CPNE2: variants seen among roughly 807,000 people sequenced by gnomAD.
CPNE2 encodes the protein copine 2.
In CPNE2, 42 loss-of-function variants were observed where a neutral mutation model predicts 69.7. The ratio of observed to expected loss-of-function variants is 0.60; its 90% CI spans 0.47 to 0.78. The LOEUF is 0.78. CPNE2 is among the 30% of genes least tolerant of loss of function. The pLI is 0.00. For missense variants in CPNE2, 587 were observed against 732.0 expected, an observed-to-expected ratio of 0.80 and a Z score of 2.29; for synonymous variants, 294 against 289.8, an observed-to-expected ratio of 1.01 and a Z score of -0.15.
At position 57,119,356 on chromosome 16, in the gene CPNE2, T is replaced by C. The variant is rs2069744041; in HGVS notation, c.591+78T>C. 2.7e-6 allele frequency: 4 copies of C among 1,466,082 alleles called. No individual in the cohort carries two copies. In the East Asian group the frequency reaches 9.1e-5, roughly 33 times the overall value. 90.8% of individuals were successfully genotyped at this position (1,466,082 alleles called of 1,614,324 possible). On this transcript the variant is annotated intron_variant, in intron 6 of 15. Transcript: ENST00000290776. The stretch of plus-strand genomic sequence containing the variant: ...CCTCCACAGCTCTGAAAAAGGGAGG[T>C]GCGGTCACAGCCGCTCAGTGTGCAG...
chr16:57,094,715 C>T (rs975616330), intron 1 of CPNE2, among the ~76,000 whole-genome samples: 3 of 152,156 alleles, frequency 2.0e-5, no homozygotes, highest in African/African-American at 4.8e-5. Context: ...TGGGTGACTG[C>T]ATCCAGGATC....
At chr16:57,113,074 C>T (rs578102012) in intron 2 of CPNE2, 25 of 512,348 alleles carry the variant, frequency 4.9e-5, no homozygotes, top group African/African-American at 3.7e-4. Flanking sequence ...CTCGGCCCTG[C>T]TCCACAAGCT....
chr16:57,120,175 A>T (rs1388735732), intron 7 of CPNE2, among the ~76,000 whole-genome samples: 4 of 151,970 alleles, frequency 2.6e-5, no homozygotes, highest in Non-Finnish European at 5.9e-5. Context: ...CAGGAGCCTG[A>T]GGCAGGAGAA....
intron 13 of CPNE2, among the ~76,000 whole-genome samples, 168 bp downstream of exon 13, chr16:57,134,994 G>A (rs1229588520): frequency 3.3e-5 from 5 of 152,170 alleles, no homozygotes; most frequent in Non-Finnish European, 7.4e-5. Context: ...GAGTCAGATA[G>A]TCCTGGATTC....
Position 57,146,534 on chromosome 16 carries a change from A to G in CPNE2, c.1539+213A>G, listed in dbSNP as rs2069959997. On this transcript the variant is annotated intron_variant, in intron 15 of 15. Coordinates refer to ENST00000290776, the MANE Select transcript of CPNE2 (RefSeq NM_152727.6). This position sits in a 1 kb window ranked among gnomAD's most constrained non-coding sequence, Gnocchi z 4.4. The stretch of plus-strand genomic sequence containing the variant: ...TGATAGTGTGAGCACTTGCTTCCAC[A>G]AACTGATGGAACATGGAGCCGTGGG... 1.8e-6 allele frequency: 1 copy of G among 564,926 alleles called. No individual in the cohort carries two copies. Among genetic ancestry groups the G allele is most frequent in the Non-Finnish European group, 3.2e-6 (1 of 316,830 alleles). The allele number at this position is 564,926 out of a possible 1,614,324, so 35.0% of individuals were successfully genotyped here. A position where few individuals can be genotyped will look rare whatever the true frequency, so the allele number is the denominator to read the frequency against.
intron 4 of CPNE2, among the ~76,000 whole-genome samples, chr16:57,116,349 C>T (rs150292050): frequency 1.3e-5 from 2 of 152,284 alleles, no homozygotes; most frequent in East Asian, 3.9e-4. Flanking sequence ...ATCACCACCT[C>T]CCAAACAACC....
chr16:57,102,969 T>A (rs935695651), intron 1 of CPNE2, among the ~76,000 whole-genome samples: 4 of 152,166 alleles, frequency 2.6e-5, no homozygotes, highest in African/African-American at 9.7e-5. Context: ...CCAAATTTTT[T>A]ATCTACTTTC....
At chr16:57,117,436 C>T in intron 4 of CPNE2, 60 bp from the exon 5 acceptor site, 1 of 1,564,390 alleles carries the variant, frequency 6.4e-7, no homozygotes, top group South Asian at 1.2e-5. Context: ...CACCCTGTGC[C>T]ATCCTGCCTG....
chr16:57,119,382 G>A (rs1419147342), intron 6 of CPNE2, 104 bp downstream of exon 6: 1 of 1,289,364 alleles, frequency 7.8e-7, no homozygotes, highest in East Asian at 2.3e-5. Flanking sequence ...CAGTGTGCAG[G>A]AAAACCCACA....
chr16:57,133,074 G>T (rs1250837805), intron 12 of CPNE2, among the ~76,000 whole-genome samples: 1 of 152,174 alleles, frequency 6.6e-6, no homozygotes, highest in Non-Finnish European at 1.5e-5. Context: ...AGGGAGTCCT[G>T]TTTCCCTGGC....
intron 11 of CPNE2, among the ~76,000 whole-genome samples, chr16:57,127,534 T>G (rs2069808980): frequency 6.6e-6 from 1 of 152,186 alleles, no homozygotes; most frequent in Admixed American, 6.5e-5. Flanking sequence ...CATCTTGACC[T>G]CCTGACCTTG....
intron 14 of CPNE2, chr16:57,141,193 G>A (rs7188495): frequency 0.9 from 136,755 of 152,380 alleles, 61,537 homozygotes; most frequent in Middle Eastern, 0.98. Context: ...GTGGGTCTGT[G>A]TCTGCTGGAC....
intron 12 of CPNE2, among the ~76,000 whole-genome samples, chr16:57,133,346 C>T (rs906574557): frequency 6.6e-6 from 1 of 152,136 alleles, no homozygotes; most frequent in Admixed American, 6.5e-5. Flanking sequence ...CACCTCCCCT[C>T]CCCTGGGCTG....
rs1199366534 is a variant in CPNE2, at chr16:57,121,847, G to A, written c.867+87G>A. 10 of 1,304,478 alleles carry A rather than the reference G, an allele frequency of 7.7e-6. No homozygotes were observed. The Admixed American group carries it at 9.1e-5, about 12-fold the overall frequency. The allele number at this position is 1,304,478 out of a possible 1,614,324, so 80.8% of individuals were successfully genotyped here. ...ACAGAGCACTGGATCTGGAGCCAGC[G>A]AGGCCTGTGTTCAAATCCCGGCTCT... On this transcript the variant is annotated intron_variant, in intron 9 of 15. Transcript: ENST00000290776.
intron 7 of CPNE2, among the ~76,000 whole-genome samples, chr16:57,120,064 G>T (rs1318801210): frequency 6.6e-6 from 1 of 150,796 alleles, no homozygotes; most frequent in Non-Finnish European, 1.5e-5. Flanking sequence ...CTGGAGGTCA[G>T]GAGTTCAAGA....
intron 14 of CPNE2, 140 bp downstream of exon 14, chr16:57,137,422 G>C (rs2069890926): frequency 8.6e-7 from 1 of 1,156,998 alleles, no homozygotes; most frequent in Admixed American, 2.5e-5. Flanking sequence ...TATTGTAAAA[G>C]TTGAGTCAAG....
intron 1 of CPNE2, among the ~76,000 whole-genome samples, chr16:57,101,932 C>T (rs1338429417): frequency 1.3e-5 from 2 of 151,714 alleles, no homozygotes; most frequent in Middle Eastern, 3.2e-3. Context: ...GTGGGCCCAG[C>T]GTGCTGCATT....
chr16:57,103,770 C>T (rs1372039217), intron 1 of CPNE2, among the ~76,000 whole-genome samples: 3 of 152,226 alleles, frequency 2.0e-5, no homozygotes, highest in Non-Finnish European at 2.9e-5. Flanking sequence ...AGCTGGTTCC[C>T]GGGTTCTACA....
At chr16:57,135,036 A>G (rs1334416559) in intron 13 of CPNE2, among the ~76,000 whole-genome samples, 1 of 152,120 alleles carries the variant, frequency 6.6e-6, no homozygotes, top group Non-Finnish European at 1.5e-5. Context: ...TAGCTGTGGG[A>G]CCTTGGAAAG....
Sources: allele counts gnomAD v4.1 joint callset (sites outside exome capture counted in the v4.1 genomes callset), GRCh38; gene constraint gnomAD v4.1.1; non-coding constraint Gnocchi (gnomAD v3.1); transcripts MANE v1.5; gene names NCBI Gene and HGNC (gene_info 2026-07-23, HGNC 2026-07-21).